DENND1A: variants seen among roughly 807,000 people sequenced by gnomAD.
DENND1A encodes DENN domain containing 1A.
A neutral mutation model predicts 113.7 loss-of-function variants in DENND1A; 51 were observed. The ratio of observed to expected loss-of-function variants is 0.45; its 90% confidence interval spans 0.36 to 0.57. The LOEUF (loss-of-function observed/expected upper bound fraction) is 0.57, where lower values mean the gene tolerates loss of function less well. DENND1A is among the 20% of genes least tolerant of loss of function. The pLI is 0.00. For missense variants in DENND1A, 1,258 were observed against 1,395.9 expected (o/e 0.90, Z 1.57); for synonymous variants, 565 against 570.8 (o/e 0.99, Z 0.14).
chr9:123,427,621 C>T (rs1210788549), intron 19 of DENND1A, among the ~76,000 whole-genome samples: 1 of 152,228 alleles, frequency 6.6e-6, no homozygotes, highest in Non-Finnish European at 1.5e-5. Context: ...GAACCGTTCT[C>T]TGCTGTGAGA....
At chr9:123,854,766 A>G (rs918685380) in intron 2 of DENND1A, among the ~76,000 whole-genome samples, 2 of 151,140 alleles carry the variant, frequency 1.3e-5, no homozygotes, top group African/African-American at 4.9e-5. Context: ...CAATTTAAGC[A>G]AATGGTTACC....
At chr9:123,835,861 T>C (rs1722876017) in intron 2 of DENND1A, among the ~76,000 whole-genome samples, 1 of 152,172 alleles carries the variant, frequency 6.6e-6, no homozygotes, top group Non-Finnish European at 1.5e-5. Context: ...GTATATGGTA[T>C]ATATGCTATA....
intron 10 of DENND1A, among the ~76,000 whole-genome samples, chr9:123,613,790 C>T (rs1030513550): frequency 6.6e-6 from 1 of 152,172 alleles, no homozygotes; most frequent in Admixed American, 6.5e-5. Flanking sequence ...GTATGACTGA[C>T]AGTGATTGTA....
In DENND1A at chr9:123,627,200, C is replaced by A. The variant is rs76144016; in HGVS notation, c.719+3176G>T. On this transcript the variant is annotated intron_variant, in intron 10 of 23. Coordinates refer to ENST00000394215, the MANE Select transcript of DENND1A (RefSeq NM_001352964.2). ...GCTCTCAGACTTTCACCAGCAGTATCTTCCAGACAAGGAGCAGATAAGAAA... is the reference window on the plus strand; with the variant it reads ...GCTCTCAGACTTTCACCAGCAGTATATTCCAGACAAGGAGCAGATAAGAAA... Among the ~76,000 whole-genome samples, 255 of 152,348 alleles carry A rather than the reference C, an allele frequency of 1.7e-3. 1 individual carries two copies. Among genetic ancestry groups the A allele is most frequent in the African/African-American group, 5.6e-3 (233 of 41,582 alleles).
intron 5 of DENND1A, among the ~76,000 whole-genome samples, chr9:123,744,045 A>G (rs560479578): frequency 1.3e-4 from 20 of 152,348 alleles, no homozygotes; most frequent in Admixed American, 8.5e-4. Flanking sequence ...AGATAGATAT[A>G]TGAAGGTGGT....
intron 13 of DENND1A, among the ~76,000 whole-genome samples, chr9:123,535,278 G>A (rs1171278022): frequency 6.6e-6 from 1 of 152,186 alleles, no homozygotes; most frequent in Non-Finnish European, 1.5e-5. Flanking sequence ...ACGGTACTTA[G>A]ATTAAAATCC....
chr9:123,401,573 C>A, intron 21 of DENND1A: 1 of 1,388,444 alleles, frequency 7.2e-7, no homozygotes. Flanking sequence ...GGTAGTTTGC[C>A]AACCACCAAA....
intron 2 of DENND1A, among the ~76,000 whole-genome samples, chr9:123,861,508 C>T (rs144604382): frequency 2.6e-5 from 4 of 152,220 alleles, no homozygotes; most frequent in East Asian, 1.9e-4. Context: ...TCCCTTTTCA[C>T]GCTAAGAAGG....
At chr9:123,829,157 GAGTGTT>G (rs1839825054) in intron 2 of DENND1A, among the ~76,000 whole-genome samples, 1 of 152,144 alleles carries the variant, frequency 6.6e-6, no homozygotes, top group South Asian at 2.1e-4. Flanking sequence ...AGCAATAAAT[GAGTGTT>G]AATGTAAGAT....
At chr9:123,735,548 G>A (rs562668041) in intron 5 of DENND1A, among the ~76,000 whole-genome samples, 19 of 152,230 alleles carry the variant, frequency 1.2e-4, no homozygotes, top group Admixed American at 6.5e-4. Context: ...CAGGTCGTCC[G>A]TGACACATAC....
chr9:123,735,235 G>C (rs1293952481), intron 5 of DENND1A, among the ~76,000 whole-genome samples: 1 of 152,134 alleles, frequency 6.6e-6, no homozygotes, highest in Admixed American at 6.5e-5. Flanking sequence ...TTCTAAACCA[G>C]CTCATCCAGG....
At chr9:123,477,224 C>T (rs1256281713) in intron 13 of DENND1A, among the ~76,000 whole-genome samples, 1 of 152,186 alleles carries the variant, frequency 6.6e-6, no homozygotes, top group Non-Finnish European at 1.5e-5. Flanking sequence ...ATTCCTGCTC[C>T]AGAAGATGGG....
At chr9:123,688,949 C>T (rs1230954141) in intron 5 of DENND1A, among the ~76,000 whole-genome samples, 1 of 152,162 alleles carries the variant, frequency 6.6e-6, no homozygotes, top group African/African-American at 2.4e-5. Context: ...AAAACAGAAA[C>T]CCTAAAAACT....
chr9:123,875,582 T>C (rs529951314), intron 2 of DENND1A, among the ~76,000 whole-genome samples: 1 of 152,146 alleles, frequency 6.6e-6, no homozygotes, highest in African/African-American at 2.4e-5. Context: ...CATCCTGTAC[T>C]GCAAGCTCTA....
intron 19 of DENND1A, among the ~76,000 whole-genome samples, chr9:123,416,797 G>A (rs2044764793): frequency 6.6e-6 from 1 of 152,208 alleles, no homozygotes; most frequent in Admixed American, 6.5e-5. Flanking sequence ...GTCACAGAGT[G>A]GAAGGATTCC....
chr9:123,534,135 C>G (rs1367897392), intron 13 of DENND1A, among the ~76,000 whole-genome samples: 1 of 152,206 alleles, frequency 6.6e-6, no homozygotes, highest in Non-Finnish European at 1.5e-5. Flanking sequence ...CATCTGCGAA[C>G]CTACCCTCCT....
At chr9:123,910,486 GAACTAA>G (rs1293531029) in intron 1 of DENND1A, among the ~76,000 whole-genome samples, 20 of 152,218 alleles carry the variant, frequency 1.3e-4, no homozygotes, top group South Asian at 4.1e-4. Flanking sequence ...TCACATCACG[GAACTAA>G]AATTAAAATG....
chr9:123,625,299 G>A (rs1411581467), intron 10 of DENND1A, among the ~76,000 whole-genome samples: 1 of 152,246 alleles, frequency 6.6e-6, no homozygotes, highest in Admixed American at 6.5e-5. Context: ...CATCACAGAT[G>A]TAAAGGAGAT....
At chr9:123,564,975 C>T (rs565265863) in intron 12 of DENND1A, among the ~76,000 whole-genome samples, 1 of 135,900 alleles carries the variant, frequency 7.4e-6, no homozygotes, top group African/African-American at 2.7e-5. Flanking sequence ...TAATGTCTGT[C>T]CCTTCTTTTT....
Sources: allele counts gnomAD v4.1 joint callset (sites outside exome capture counted in the v4.1 genomes callset), GRCh38; gene constraint gnomAD v4.1.1; transcripts MANE v1.5; gene names NCBI Gene and HGNC (gene_info 2026-07-23, HGNC 2026-07-21).